RNF10: variants seen among roughly 807,000 people sequenced by gnomAD.
RNF10 encodes the protein E3 ubiquitin-protein ligase RNF10.
In RNF10, 38 loss-of-function variants were observed where a neutral mutation model predicts 91.4. The ratio of observed to expected loss-of-function variants is 0.42; its 90% CI spans 0.32 to 0.54. The LOEUF (loss-of-function observed/expected upper bound fraction) is 0.54. RNF10 is among the 20% of genes least tolerant of loss of function. The probability of loss-of-function intolerance (pLI) is 0.16; values close to 1 mark genes in which losing one functional copy is unlikely to be tolerated. For missense variants in RNF10, 945 were observed against 1,012.0 expected (o/e 0.93, Z 0.90); for synonymous variants, 364 against 366.3 (o/e 0.99, Z 0.07).
chr12:120,577,299 T>C lies in RNF10; in HGVS notation c.*633T>C, dbSNP rs1877519853. The C allele has an allele frequency of 2.5e-6, 1 of 405,086 alleles. No individual in the cohort carries two copies. Among genetic ancestry groups the C allele is most frequent in the Non-Finnish European group, 4.8e-6 (1 of 207,898 alleles). The allele number at this position is 405,086 out of a possible 1,614,324, so 25.1% of individuals were successfully genotyped here. A position where few individuals can be genotyped will look rare whatever the true frequency, so the allele number is the denominator to read the frequency against. On this transcript the variant is annotated 3_prime_UTR_variant, in exon 17 of 17. Transcript: ENST00000325954. ...TGCCTCTTCTTGAGCATGGCTTGAG[T>C]TGGTAAGGAAAGCTGTAACTCACGA...
intron 16 of RNF10, among the ~76,000 whole-genome samples, chr12:120,576,224 G>A (rs3817301): frequency 0.086 from 13,049 of 152,276 alleles, 702 homozygotes; most frequent in Non-Finnish European, 0.11. Flanking sequence ...AGAATCTTGA[G>A]TTGGTACAGG....
At chr12:120,566,300 C>G (rs900537879) in intron 12 of RNF10, among the ~76,000 whole-genome samples, 1 of 152,086 alleles carries the variant, frequency 6.6e-6, no homozygotes, top group Non-Finnish European at 1.5e-5. Context: ...ATGTAATTAA[C>G]CTGCATGTTT....
At chr12:120,571,363 T>A in intron 14 of RNF10, 72 bp downstream of exon 14, 3 of 1,081,120 alleles carry the variant, frequency 2.8e-6, no homozygotes, top group Non-Finnish European at 4.3e-6. Flanking sequence ...TATGGGAACC[T>A]CCTCCAGGGA....
intron 4 of RNF10, among the ~76,000 whole-genome samples, 163 bp downstream of exon 4, chr12:120,554,971 C>T (rs1209385084): frequency 6.6e-6 from 1 of 152,114 alleles, no homozygotes; most frequent in Non-Finnish European, 1.5e-5. Flanking sequence ...TCCTGGAGTC[C>T]ATTTTGTGAC....
In RNF10 at chr12:120,571,454, T is replaced by C. The variant is rs551031413; in HGVS notation, c.2142+163T>C. On this transcript the variant is annotated intron_variant, in intron 14 of 16. Transcript: ENST00000325954. The stretch of plus-strand genomic sequence containing the variant: ...GGGAAGTTAACTGCCTGTCGGAGCT[T>C]TATGCAGCATGGAGTTGGTTGAGGG... Among the ~76,000 whole-genome samples, 82 of 152,238 alleles carry C rather than the reference T, an allele frequency of 5.4e-4. 2 individuals carry two copies. The highest frequency in any genetic ancestry group is 4.4e-3 in the Admixed American group (68 of 15,290).
Position 120,546,571 on chromosome 12 carries a change from C to T in RNF10, c.324C>T (p.Ser108=), listed in dbSNP as rs1565948635. The T allele has an allele frequency of 1.2e-6, 2 of 1,613,526 alleles. No individual in the cohort carries two copies. Among genetic ancestry groups the T allele is most frequent in the African/African-American group, 1.3e-5 (1 of 74,926 alleles). The change falls in exon 2 of 17, where the codon AGC becomes AGT. Residue 108 remains serine (S), a synonymous_variant. Coordinates refer to ENST00000325954, the MANE Select transcript of RNF10 (RefSeq NM_014868.5). ...GCGGCGGCAGCAGCAAACTCTTTAGCTCTTCTTTTAATGGTGGAAGACGAG... is the reference window on the plus strand; with the variant it reads ...GCGGCGGCAGCAGCAAACTCTTTAGTTCTTCTTTTAATGGTGGAAGACGAG... ...QRGGGSSKLF[S]SSFNGGRRDE... is the part of the protein sequence containing the mutation.
chr12:120,557,285 A>G lies in RNF10; in HGVS notation c.649A>G (p.Ile217Val), dbSNP rs1874190957. The G allele has an allele frequency of 1.2e-6, 2 of 1,613,804 alleles. No individual in the cohort carries two copies. The highest frequency in any genetic ancestry group is 1.7e-6 in the Non-Finnish European group (2 of 1,179,818). Residue 217 changes from isoleucine (I) to valine (V), a missense_variant, in exon 5 of 17, where the codon ATT (isoleucine) becomes GTT (valine). Ile to Val is a conservative substitution (Grantham distance 29). Coordinates refer to ENST00000325954, the MANE Select transcript of RNF10 (RefSeq NM_014868.5). ...TTCTGGTGGCATTTTGTTTCAGCGC[A>G]TTTGTAGCCATGAAGTGCCATCTTG... Reference protein sequence around the residue: ...VNWDFVEQVRICSHEVPSCPI... With the variant: ...VNWDFVEQVRVCSHEVPSCPI...
At chr12:120,540,936 A>G (rs1167719) in intron 1 of RNF10, among the ~76,000 whole-genome samples, 40,605 of 150,304 alleles carry the variant, frequency 0.27, 6,544 homozygotes, top group Admixed American at 0.39. Context: ...CCTTGCCGCA[A>G]CCTCCACCTC....
At chr12:120,549,130 C>A (rs949885323) in intron 2 of RNF10, among the ~76,000 whole-genome samples, 1 of 152,102 alleles carries the variant, frequency 6.6e-6, no homozygotes, top group Non-Finnish European at 1.5e-5. Context: ...GATAGGAACT[C>A]TACCAGTTCA....
At chr12:120,543,254 T>A (rs1871826721) in intron 1 of RNF10, among the ~76,000 whole-genome samples, 1 of 152,210 alleles carries the variant, frequency 6.6e-6, no homozygotes, top group Admixed American at 6.5e-5. Context: ...AGTATAGTTA[T>A]ATCAGAATCT....
In RNF10 at chr12:120,565,493, A is replaced by G. The variant is rs1262127799; in HGVS notation, c.1849A>G (p.Arg617Gly). 4.3e-6 allele frequency: 7 copies of G among 1,613,974 alleles called. No homozygotes were observed. Among genetic ancestry groups the G allele is most frequent in the African/African-American group, 2.7e-5 (2 of 74,898 alleles). The change falls in exon 12 of 17, where the codon AGG becomes GGG. Residue 617 changes from arginine (R) to glycine (G), a missense_variant. By Grantham distance (125) the Arg-to-Gly change is moderately radical. Coordinates refer to ENST00000325954, the MANE Select transcript of RNF10 (RefSeq NM_014868.5). ...TCGGGAGGAACGCCGCCGAGAGCGC[A>G]GGATTGAGATAGAGGAGAACAAGAA... ...KAREERRRER[R>G]IEIEENKKQG...
At chr12:120,569,344 G>A (rs774769340) in intron 13 of RNF10, among the ~76,000 whole-genome samples, 6 of 137,548 alleles carry the variant, frequency 4.4e-5, no homozygotes, top group African/African-American at 7.1e-5. Context: ...AAAACTTGTG[G>A]TGACCATTTT....
At chr12:120,539,989 C>G (rs1871324195) in intron 1 of RNF10, among the ~76,000 whole-genome samples, 1 of 151,832 alleles carries the variant, frequency 6.6e-6, no homozygotes, top group Non-Finnish European at 1.5e-5. Context: ...TGTCCACCAC[C>G]ACACCGGCCT....
At chr12:120,540,895 C>T (rs1871452858) in intron 1 of RNF10, among the ~76,000 whole-genome samples, 1 of 150,746 alleles carries the variant, frequency 6.6e-6, no homozygotes. Flanking sequence ...GCTCTTGTTG[C>T]CCAGGCTGGA....
chr12:120,540,168 G>T (rs934685409), intron 1 of RNF10, among the ~76,000 whole-genome samples: 6 of 148,954 alleles, frequency 4.0e-5, no homozygotes, highest in Non-Finnish European at 8.9e-5. Context: ...TCACCATGTT[G>T]CCCAGGCTGG....
Position 120,563,110 on chromosome 12 carries a change from A to G in RNF10, c.1254+40A>G. Reference sequence around the variant, plus strand: ...GTTACTAAGTGGCTGCCGTTCCTCAAATGCTGTCATTGAGCTGGTAGGCAT... The same window carrying G: ...GTTACTAAGTGGCTGCCGTTCCTCAGATGCTGTCATTGAGCTGGTAGGCAT... On this transcript the variant is annotated intron_variant, in intron 8 of 16. Transcript: ENST00000325954. 5 of 1,613,396 alleles carry G rather than the reference A, an allele frequency of 3.1e-6. No individual in the cohort carries two copies. In the South Asian group the frequency reaches 4.4e-5, roughly 14 times the overall value.
chr12:120,555,171 T>C (rs1319221289), intron 4 of RNF10, among the ~76,000 whole-genome samples: 1 of 152,228 alleles, frequency 6.6e-6, no homozygotes, highest in African/African-American at 2.4e-5. Flanking sequence ...GGCACATGAA[T>C]GAGCCACACA....
rs576888787 is a variant in RNF10, at chr12:120,543,493, C to T, written c.158-2912C>T. Reference sequence around the variant, plus strand: ...AGCCTGGGCAACATAGTGAGACCCCCGTCTGCACAAAAAAATTTAAAAATT... The same window carrying T: ...AGCCTGGGCAACATAGTGAGACCCCTGTCTGCACAAAAAAATTTAAAAATT... On this transcript the variant is annotated intron_variant, in intron 1 of 16. Coordinates refer to ENST00000325954, the MANE Select transcript of RNF10 (RefSeq NM_014868.5). Among the ~76,000 whole-genome samples, 12 of 151,758 alleles carry T rather than the reference C, an allele frequency of 7.9e-5. No homozygotes were observed. The East Asian group carries it at 9.7e-4, about 12-fold the overall frequency.
In RNF10 at chr12:120,576,965, A is replaced by G. The variant is rs1381866668; in HGVS notation, c.*299A>G. ...ATGTGTAATTAATTTTTCTCAACCCAAAGTAAGATTGAGTCCCCTTTGAGA... is the reference window on the plus strand; with the variant it reads ...ATGTGTAATTAATTTTTCTCAACCCGAAGTAAGATTGAGTCCCCTTTGAGA... On this transcript the variant is annotated 3_prime_UTR_variant, in exon 17 of 17. Transcript: ENST00000325954. The G allele has an allele frequency of 2.7e-6, 1 of 371,438 alleles. No individual in the cohort carries two copies. Among genetic ancestry groups the G allele is most frequent in the Admixed American group, 4.3e-5 (1 of 23,510 alleles). The allele number at this position is 371,438 out of a possible 1,614,324, so 23.0% of individuals were successfully genotyped here.
Sources: gnomAD v4.1 joint callset for allele counts (sites outside exome capture counted in the v4.1 genomes callset) on GRCh38, gnomAD v4.1.1 for gene constraint, MANE v1.5 for transcripts, NCBI Gene and HGNC (gene_info 2026-07-23, HGNC 2026-07-21) for gene names.